KLHL4: variants seen among roughly 807,000 people sequenced by gnomAD.
The protein encoded by KLHL4 is kelch like family member 4, also known as kelch-like protein 4.
Under a neutral mutation model 45.8 loss-of-function variants are expected in KLHL4, and 17 were observed. The ratio of observed to expected loss-of-function variants is 0.37; its 90% CI spans 0.25 to 0.56. The LOEUF is 0.56. KLHL4 is among the 20% of genes least tolerant of loss of function. The probability of loss-of-function intolerance (pLI) is 0.79; values close to 1 mark genes in which losing one functional copy is unlikely to be tolerated. For synonymous variants in KLHL4, 224 were observed against 189.9 expected, an observed-to-expected ratio of 1.18 and a Z score of -1.47; for missense variants, 544 against 544.9, an observed-to-expected ratio of 1.00 and a Z score of 0.02.
chrX:87,546,282 G>T (rs1159799228), intron 1 of KLHL4, among the ~76,000 whole-genome samples: 1 of 111,538 alleles, frequency 9.0e-6, no homozygotes, highest in Non-Finnish European at 1.9e-5. Context: ...TAGCCTGACA[G>T]CTTGGTGCCC....
chrX:87,622,161 T>C, intron 4 of KLHL4, 50 bp from the exon 5 acceptor site: 1 of 839,557 alleles, frequency 1.2e-6, no homozygotes, highest in Non-Finnish European at 1.8e-6. Flanking sequence ...CTTATTCCAT[T>C]AAGAAATTTC....
At chrX:87,597,304 T>G in intron 1 of KLHL4, among the ~76,000 whole-genome samples, 1 of 111,650 alleles carries the variant, frequency 9.0e-6, no homozygotes, top group Non-Finnish European at 1.9e-5. Context: ...ACAGAAAGAT[T>G]GTATTAACAT....
intron 7 of KLHL4, 121 bp from the exon 8 acceptor site, chrX:87,633,628 T>C (rs952918205): frequency 6.2e-6 from 3 of 480,023 alleles, no homozygotes; most frequent in African/African-American, 4.8e-5. Context: ...TATTCATATG[T>C]ATGCAAAATC....
intron 9 of KLHL4, among the ~76,000 whole-genome samples, chrX:87,662,655 C>T (rs1476326985): frequency 2.7e-5 from 3 of 111,232 alleles, no homozygotes; most frequent in African/African-American, 6.5e-5. Flanking sequence ...AGGGGCTGGG[C>T]GCAGTGGCTC....
At position 87,618,077 on chromosome X, in the gene KLHL4, A is replaced by T; in HGVS notation, c.873A>T (p.Gly291=). 1.7e-6 allele frequency: 2 copies of T among 1,211,066 alleles called. No homozygotes were observed. Among genetic ancestry groups the T allele is most frequent in the Non-Finnish European group, 2.2e-6 (2 of 895,002 alleles). ...ACTGCTTAGGGATTCGATCATTTGG[A>T]GATGCCCAAGGCTGTACAGAACTTC... is the stretch of plus-strand genomic sequence containing the variant. ...PSNCLGIRSF[G]DAQGCTELLN... is the part of the protein sequence containing the mutation. Residue 291 remains glycine (G), a synonymous_variant, in exon 4 of 11, where the codon GGA becomes GGT. Transcript: ENST00000373119.
intron 1 of KLHL4, among the ~76,000 whole-genome samples, chrX:87,575,600 C>G (rs1161091643): frequency 1.8e-5 from 2 of 111,608 alleles, no homozygotes; most frequent in African/African-American, 6.5e-5. Context: ...GAAGATATAT[C>G]TAGAGTAGAT....
At chrX:87,625,473 T>C in intron 5 of KLHL4, 137 bp from the exon 6 acceptor site, 1 of 436,097 alleles carries the variant, frequency 2.3e-6, no homozygotes, top group Non-Finnish European at 3.8e-6. Context: ...TCCAGCGTTC[T>C]ACACACCTTG....
chrX:87,642,513 C>T (rs772568975), intron 9 of KLHL4, among the ~76,000 whole-genome samples: 9 of 111,921 alleles, frequency 8.0e-5, no homozygotes, highest in Admixed American at 1.9e-4. Context: ...TAAAGAATCA[C>T]ACTAGTTCAC....
rs905155742 is a variant in KLHL4 at position 87,631,525 on chromosome X, T to C, written c.1325-685T>C. ...AAAGGCCCATTTAACATTTTTTGAA[T>C]TTTATTTATTTATATAGACAGAGTC... On this transcript the variant is annotated intron_variant, in intron 6 of 10. Transcript: ENST00000373119. 5.4e-5 allele frequency among the ~76,000 whole-genome samples: 6 copies of C among 111,554 alleles called. No homozygotes were observed. In the Admixed American group the frequency reaches 5.7e-4, roughly 11 times the overall value.
chrX:87,561,596 G>T (rs1275715977), intron 1 of KLHL4, among the ~76,000 whole-genome samples: 1 of 110,940 alleles, frequency 9.0e-6, no homozygotes, highest in Non-Finnish European at 1.9e-5. Flanking sequence ...TAGTTCCTGG[G>T]TAAGTCCTGG....
chrX:87,589,257 A>G lies in KLHL4; in HGVS notation c.423-24620A>G, dbSNP rs181377508. 8.7e-4 allele frequency among the ~76,000 whole-genome samples: 97 copies of G among 112,129 alleles called. No individual in the cohort carries two copies. In the East Asian group the frequency reaches 0.019, roughly 22 times the overall value. On this transcript the variant is annotated intron_variant, in intron 1 of 10. Coordinates refer to ENST00000373119, the MANE Select transcript of KLHL4 (RefSeq NM_019117.5). ...TGTAGAACAATTTGGATGTTCCTCA[A>G]TCAACTAAAAATTGAGCTACCATAT...
At chrX:87,654,137 AAAAT>A (rs1254495592) in intron 9 of KLHL4, among the ~76,000 whole-genome samples, 2 of 109,002 alleles carry the variant, frequency 1.8e-5, no homozygotes, top group Non-Finnish European at 3.8e-5. Context: ...GGAAATTAAT[AAAAT>A]AAAATAAAAT....
chrX:87,554,527 A>G (rs1452639328), intron 1 of KLHL4, among the ~76,000 whole-genome samples: 1 of 94,870 alleles, frequency 1.1e-5, no homozygotes, highest in African/African-American at 3.9e-5. Context: ...TTTGTCTGTT[A>G]TTGGTGTATA....
intron 1 of KLHL4, among the ~76,000 whole-genome samples, chrX:87,541,152 T>C (rs1931542260): frequency 9.1e-6 from 1 of 109,784 alleles, no homozygotes; most frequent in Non-Finnish European, 1.9e-5. Flanking sequence ...GTGCTGTTCT[T>C]GTGATAGTGA....
chrX:87,660,689 C>CA lies in KLHL4; in HGVS notation c.1926-4070dup, dbSNP rs1417375814. On this transcript the variant is annotated intron_variant, in intron 9 of 10. Transcript: ENST00000373119. ...ACAAAACCCCATCTCTAAAAAAATA[C>CA]AAAAATTAGTTGGGCATTGTCGCGC... Among the ~76,000 whole-genome samples the CA allele has an allele frequency of 4.5e-5, 5 of 111,751 alleles. 1 individual carries two copies.
intron 1 of KLHL4, among the ~76,000 whole-genome samples, chrX:87,608,643 G>T (rs745346009): frequency 9.0e-6 from 1 of 111,449 alleles, no homozygotes; most frequent in South Asian, 3.8e-4. Flanking sequence ...TGAGGCCTTG[G>T]CAGCTTTTAC....
In KLHL4 at chrX:87,617,549, TATG is replaced by T; in HGVS notation, c.728-380_728-378del. Among the ~76,000 whole-genome samples, 2 of 112,006 alleles carry T rather than the reference TATG, an allele frequency of 1.8e-5. 1 individual carries two copies. Among genetic ancestry groups the T allele is most frequent in the East Asian group, 5.6e-4 (2 of 3,579 alleles). On this transcript the variant is annotated intron_variant, in intron 3 of 10. Coordinates refer to ENST00000373119, the MANE Select transcript of KLHL4 (RefSeq NM_019117.5). ...GAAAGTTTTTTCAACTTTATACAGG[TATG>T]ATTTAAAAATTAAAATTGTATGTGT...
At chrX:87,614,645 T>A in intron 3 of KLHL4, 75 bp downstream of exon 3, 1 of 897,870 alleles carries the variant, frequency 1.1e-6, no homozygotes, top group Non-Finnish European at 1.6e-6. Flanking sequence ...TAGTAGTAGT[T>A]ATTATTGCTA....
At chrX:87,535,586 TG>T (rs1012932586) in intron 1 of KLHL4, among the ~76,000 whole-genome samples, 1 of 111,300 alleles carries the variant, frequency 9.0e-6, no homozygotes, top group African/African-American at 3.3e-5. Flanking sequence ...TATTAGCACC[TG>T]GGGGCTTCTC....
Sources: allele counts gnomAD v4.1 joint callset (sites outside exome capture counted in the v4.1 genomes callset), GRCh38; gene constraint gnomAD v4.1.1; transcripts MANE v1.5; gene names NCBI Gene and HGNC (gene_info 2026-07-23, HGNC 2026-07-21).